HDHD5: variants seen among roughly 807,000 people sequenced by gnomAD.
HDHD5 encodes the protein haloacid dehalogenase like hydrolase domain containing 5.
A neutral mutation model predicts 35.5 loss-of-function variants in HDHD5; 34 were observed. The ratio of observed to expected loss-of-function variants is 0.96; its 90% CI spans 0.73 to 1.28. The LOEUF is 1.28. Ranked by LOEUF, HDHD5 falls within the 50% of genes most tolerant of loss-of-function variation. The probability of loss-of-function intolerance (pLI) is 0.00; values close to 1 mark genes in which losing one functional copy is unlikely to be tolerated. For synonymous variants in HDHD5, 248 were observed against 240.6 expected (o/e 1.03, Z -0.29); for missense variants, 589 against 560.2 (o/e 1.05, Z -0.52).
At chr22:17,144,304 G>A (rs1205323339) in intron 4 of HDHD5, among the ~76,000 whole-genome samples, 2 of 151,930 alleles carry the variant, frequency 1.3e-5, no homozygotes, top group African/African-American at 4.8e-5. Context: ...GCCAAGACTG[G>A]AGTGCAGTGA....
intron 6 of HDHD5, among the ~76,000 whole-genome samples, chr22:17,140,251 C>T (rs886834502): frequency 3.3e-5 from 5 of 152,198 alleles, no homozygotes; most frequent in African/African-American, 1.2e-4. Context: ...CAGCTGTCAG[C>T]TGGCCTTCAA....
At chr22:17,159,503 C>G (rs1160017016), upstream of HDHD5, 1 of 459,944 alleles carries the variant, frequency 2.2e-6, no homozygotes, top group South Asian at 1.6e-5. Flanking sequence ...ACAATGGGCA[C>G]GGCCTGGGCG....
chr22:17,141,118 G>T lies in HDHD5; in HGVS notation c.687C>A (p.His229Gln). ...CCATGTTGCTGGCTAGGACGGGGAGGTGGGGGTAGGGGGGTGTTGCCAGGC... is the reference window on the plus strand; with the variant it reads ...CCATGTTGCTGGCTAGGACGGGGAGTTGGGGGTAGGGGGGTGTTGCCAGGC... ...GAGLATPPYP[H>Q]LPVLASNMDL... is the part of the protein sequence containing the mutation. The change falls in exon 6 of 8, where the codon CAC (histidine) becomes CAA (glutamine). Residue 229 changes from histidine to glutamine, a missense_variant. His to Gln is a conservative substitution (Grantham distance 24). Coordinates refer to ENST00000336737, the MANE Select transcript of HDHD5 (RefSeq NM_033070.3). 1 of 1,595,802 alleles carries T rather than the reference G, an allele frequency of 6.3e-7. No individual in the cohort carries two copies.
rs1416170582 is a variant in HDHD5 at position 17,138,059 on chromosome 22, G to T, written c.1234C>A (p.Gln412Lys). The change falls in exon 8 of 8, where the codon CAG (glutamine) becomes AAG (lysine). Residue 412 changes from glutamine to lysine, a missense_variant. Transcript: ENST00000336737. ...CAGCCCTCCTTGCGGAAGACCAGCT[G>T]CACAGCCTCATTCACGTCATTCACC... ...HVVNDVNEAV[Q>K]LVFRKEGWAL... 1.2e-6 allele frequency: 2 copies of T among 1,613,772 alleles called. No individual in the cohort carries two copies.
chr22:17,148,597 G>A lies in HDHD5; in HGVS notation c.331-37C>T, dbSNP rs569772601. On this transcript the variant is annotated intron_variant, in intron 2 of 7. Transcript: ENST00000336737. ...GCCAAGACAGGGGAGGGCAGAGGAAGACAGAACTGTTGAGGGAAATAATGA... is the reference window on the plus strand; with the variant it reads ...GCCAAGACAGGGGAGGGCAGAGGAAAACAGAACTGTTGAGGGAAATAATGA... The A allele has an allele frequency of 6.6e-5, 97 of 1,471,650 alleles. No homozygotes were observed. In the South Asian group the frequency reaches 9.3e-4, roughly 14 times the overall value. 91.2% of individuals were successfully genotyped at this position (1,471,650 alleles called of 1,614,324 possible). A position where few individuals can be genotyped will look rare whatever the true frequency, so the allele number is the denominator to read the frequency against.
rs762805324 is a variant in HDHD5 at position 17,159,115 on chromosome 22, G to C, written c.126+11C>G. On this transcript the variant is annotated intron_variant, in intron 1 of 7. Coordinates refer to ENST00000336737, the MANE Select transcript of HDHD5 (RefSeq NM_033070.3). Reference sequence around the variant, plus strand: ...TGGCGAGTGGCTCGGCCAGAACCCGGACGTCCTCACCTGAGCGGGGCCCAC... The same window carrying C: ...TGGCGAGTGGCTCGGCCAGAACCCGCACGTCCTCACCTGAGCGGGGCCCAC... 3 of 1,240,272 alleles carry C rather than the reference G, an allele frequency of 2.4e-6. No homozygotes were observed. The East Asian group carries it at 9.4e-5, about 39-fold the overall frequency. 76.8% of individuals were successfully genotyped at this position (1,240,272 alleles called of 1,614,324 possible).
intron 3 of HDHD5, 100 bp from the exon 4 acceptor site, chr22:17,145,217 C>T: frequency 6.5e-7 from 1 of 1,543,776 alleles, no homozygotes; most frequent in East Asian, 2.4e-5. Context: ...CACTCCTGAT[C>T]AAGCCAGGCA....
intron 1 of HDHD5, among the ~76,000 whole-genome samples, chr22:17,157,017 G>A (rs185395583): frequency 1.0e-3 from 151 of 151,292 alleles, no homozygotes; most frequent in Non-Finnish European, 1.8e-3. Context: ...GGCAGAGGTT[G>A]CAGTGGACCG....
In HDHD5 at chr22:17,149,626, C is replaced by A; in HGVS notation, c.246G>T (p.Arg82=). 6.2e-7 allele frequency: 1 copy of A among 1,613,554 alleles called. No homozygotes were observed. Among genetic ancestry groups the A allele is most frequent in the Non-Finnish European group, 8.5e-7 (1 of 1,180,028 alleles). The part of the protein sequence containing the change: ...RRLVNSQGQL[R]VPVVFVTNAG... Reference sequence around the variant, plus strand: ...CATTTGTAACAAAAACCACGGGCACCCGCAGCTGCCCCTGGGAGTTCACCA... The same window carrying A: ...CATTTGTAACAAAAACCACGGGCACACGCAGCTGCCCCTGGGAGTTCACCA... The change falls in exon 2 of 8, where the codon CGG becomes CGT. Residue 82 remains arginine (R), a synonymous_variant. Coordinates refer to ENST00000336737, the MANE Select transcript of HDHD5 (RefSeq NM_033070.3).
chr22:17,146,390 C>G (rs1467808288), intron 3 of HDHD5, among the ~76,000 whole-genome samples: 1 of 148,276 alleles, frequency 6.7e-6, no homozygotes, highest in Admixed American at 6.7e-5. Context: ...TACCGGCCTT[C>G]GATCACACGC....
chr22:17,147,541 A>C (rs1251113454), intron 3 of HDHD5, among the ~76,000 whole-genome samples: 13 of 93,036 alleles, frequency 1.4e-4, no homozygotes, highest in Admixed American at 2.6e-4. Flanking sequence ...CCTGTGGCAC[A>C]CTCCTGTGAG....
intron 1 of HDHD5, among the ~76,000 whole-genome samples, chr22:17,164,969 G>T (rs117128039): frequency 5.3e-5 from 8 of 152,154 alleles, no homozygotes; most frequent in Admixed American, 5.2e-4. Context: ...CCCTGGCTGG[G>T]GTCAGGAAGG....
chr22:17,163,598 A>C (rs1440616431), upstream of HDHD5, among the ~76,000 whole-genome samples: 1 of 152,120 alleles, frequency 6.6e-6, no homozygotes, highest in Non-Finnish European at 1.5e-5. Context: ...GTTCTGTTCA[A>C]CTGGTGCCCC....
upstream of HDHD5, among the ~76,000 whole-genome samples, chr22:17,162,835 G>A (rs5994186): frequency 0.4 from 60,349 of 152,126 alleles, 12,539 homozygotes; most frequent in East Asian, 0.62. Context: ...CCGGATGCAC[G>A]GAGCACATAT....
Position 17,151,727 on chromosome 22 carries a change from TAAAAAAAA to T in HDHD5, c.127-1990_127-1983del, listed in dbSNP as rs59104154. Among the ~76,000 whole-genome samples the T allele has an allele frequency of 9.8e-4, 111 of 113,110 alleles. 4 individuals carry two copies. Among genetic ancestry groups the T allele is most frequent in the Non-Finnish European group, 1.2e-3 (73 of 58,896 alleles). 74.2% of individuals were successfully genotyped at this position (113,110 alleles called of 152,430 possible). ...CCTGGGCGACAAAGCTAGACTCTAC[TAAAAAAAA>T]AAAAAAAAAAAAAAAAAGAAGAAGA... On this transcript the variant is annotated intron_variant, in intron 1 of 7. Transcript: ENST00000336737.
rs2061701805 is a variant in HDHD5 at position 17,149,505 on chromosome 22, G to C, written c.330+37C>G. ...GGGGCAGCGGCTCCATTAGGAACCA[G>C]GTCCTTGGGCTTCCATGCCTCTGGC... is the stretch of plus-strand genomic sequence containing the variant. On this transcript the variant is annotated intron_variant, in intron 2 of 7. Transcript: ENST00000336737. The C allele has an allele frequency of 1.9e-6, 3 of 1,600,468 alleles. 1 individual carries two copies. The South Asian group carries it at 3.3e-5, about 18-fold the overall frequency.
At chr22:17,155,497 G>A (rs976882047) in intron 1 of HDHD5, among the ~76,000 whole-genome samples, 19 of 151,914 alleles carry the variant, frequency 1.3e-4, no homozygotes, top group Non-Finnish European at 2.5e-4. Context: ...CGCCCGTCGC[G>A]GCCTCCCAAA....
At chr22:17,141,310 T>TACCC in intron 5 of HDHD5, 77 bp from the exon 6 acceptor site, 2 of 1,504,364 alleles carry the variant, frequency 1.3e-6, no homozygotes, top group Non-Finnish European at 1.8e-6. Flanking sequence ...CAGCTAGGGC[T>TACCC]ACCCATCCAC....
chr22:17,152,500 C>A (rs1211309199), intron 1 of HDHD5, among the ~76,000 whole-genome samples: 1 of 151,922 alleles, frequency 6.6e-6, no homozygotes, highest in African/African-American at 2.4e-5. Flanking sequence ...AGGGTGGATG[C>A]GGGTATGAGT....
Sources: gnomAD v4.1 joint callset for allele counts (sites outside exome capture counted in the v4.1 genomes callset) on GRCh38, gnomAD v4.1.1 for gene constraint, MANE v1.5 for transcripts, NCBI Gene and HGNC (gene_info 2026-07-23, HGNC 2026-07-21) for gene names.